FAAH2: variants seen among roughly 807,000 people sequenced by gnomAD.
FAAH2 encodes fatty-acid amide hydrolase 2.
Under a neutral mutation model 36.9 loss-of-function variants are expected in FAAH2, and 60 were observed. That is an observed-to-expected ratio of 1.63 (90% CI 1.32 to 2.02). The LOEUF is 2.02. FAAH2 is among the 30% of genes most tolerant of loss of function. The pLI is 0.00. For synonymous variants in FAAH2, 214 were observed against 143.8 expected (o/e 1.49, Z -3.49); for missense variants, 689 against 397.5 (o/e 1.73, Z -6.23).
chrX:57,415,586 G>C (rs764157329), intron 7 of FAAH2, among the ~76,000 whole-genome samples: 1 of 112,014 alleles, frequency 8.9e-6, no homozygotes, highest in East Asian at 2.8e-4. Context: ...TGTGGTCTGA[G>C]AGACTCTTTG....
At chrX:57,162,500 A>G in the FAAH2 span, among the ~76,000 whole-genome samples, 1 of 111,538 alleles carries the variant, frequency 9.0e-6, no homozygotes, top group Non-Finnish European at 1.9e-5. Context: ...AGGTACACCA[A>G]TCAGACGTAG....
the FAAH2 span, among the ~76,000 whole-genome samples, chrX:57,257,509 C>G: frequency 1.8e-5 from 2 of 109,119 alleles, no homozygotes; most frequent in Admixed American, 2.0e-4. Flanking sequence ...CACATGGACA[C>G]AGGGAGAGGA....
the FAAH2 span, among the ~76,000 whole-genome samples, chrX:57,170,697 A>ATGTGTG: frequency 1.2e-4 from 12 of 100,067 alleles, no homozygotes; most frequent in African/African-American, 4.5e-4. Flanking sequence ...TATTTACTTT[A>ATGTGTG]TGTGTGTGTG....
chrX:57,196,137 A>G, the FAAH2 span, among the ~76,000 whole-genome samples: 1 of 111,894 alleles, frequency 8.9e-6, no homozygotes, highest in African/African-American at 3.2e-5. Context: ...TTCTGTGAAG[A>G]ATGATGTTGG....
chrX:57,275,801 C>T, the FAAH2 span, among the ~76,000 whole-genome samples: 4 of 111,415 alleles, frequency 3.6e-5, no homozygotes, highest in Admixed American at 3.8e-4. Context: ...GACTTTAAAC[C>T]AACAAAGATC....
At chrX:57,443,592 C>T (rs1363938426) in intron 8 of FAAH2, among the ~76,000 whole-genome samples, 7 of 111,710 alleles carry the variant, frequency 6.3e-5, no homozygotes, top group African/African-American at 2.0e-4. Context: ...TATTGATTGT[C>T]GGACGCCTTC....
chrX:57,226,984 C>G, the FAAH2 span, among the ~76,000 whole-genome samples: 1 of 110,317 alleles, frequency 9.1e-6, no homozygotes, highest in Admixed American at 9.6e-5. Flanking sequence ...AAAAGTGTGT[C>G]CAATGTTTCC....
At chrX:57,445,262 T>C (rs774567795) in intron 8 of FAAH2, among the ~76,000 whole-genome samples, 1 of 111,338 alleles carries the variant, frequency 9.0e-6, no homozygotes, top group Non-Finnish European at 1.9e-5. Context: ...AGGCACTGCT[T>C]TGGTGGTGTT....
intron 4 of FAAH2, among the ~76,000 whole-genome samples, chrX:57,336,419 T>C (rs1281235542): frequency 8.9e-6 from 1 of 111,736 alleles, no homozygotes; most frequent in Non-Finnish European, 1.9e-5. Flanking sequence ...ACAGAAAGCC[T>C]GTTTGGTGGT....
the FAAH2 span, among the ~76,000 whole-genome samples, chrX:57,207,942 T>C: frequency 8.9e-6 from 1 of 112,863 alleles, no homozygotes; most frequent in Non-Finnish European, 1.9e-5. Flanking sequence ...GAATGGGGTC[T>C]GGGACGGGCT....
At chrX:57,386,247 T>C (rs1275731174) in intron 7 of FAAH2, among the ~76,000 whole-genome samples, 1 of 111,432 alleles carries the variant, frequency 9.0e-6, no homozygotes, top group Non-Finnish European at 1.9e-5. Context: ...TAACCTATTA[T>C]AAGAGAAATA....
the FAAH2 span, among the ~76,000 whole-genome samples, chrX:57,149,983 G>T: frequency 1.1e-3 from 118 of 111,760 alleles, no homozygotes; most frequent in Non-Finnish European, 2.1e-3. Context: ...TGGTTTCAAA[G>T]AACATCTTTA....
chrX:57,256,955 C>A, the FAAH2 span, among the ~76,000 whole-genome samples: 1 of 112,450 alleles, frequency 8.9e-6, no homozygotes, highest in Admixed American at 9.4e-5. Flanking sequence ...CTCATCATCA[C>A]TGGTCATTAG....
the FAAH2 span, among the ~76,000 whole-genome samples, chrX:57,162,273 T>C: frequency 9.0e-6 from 1 of 111,704 alleles, no homozygotes; most frequent in African/African-American, 3.3e-5. Flanking sequence ...ACCCAACCTT[T>C]CTCTCTGGCT....
At chrX:57,244,438 T>A in the FAAH2 span, among the ~76,000 whole-genome samples, 4 of 110,959 alleles carry the variant, frequency 3.6e-5, no homozygotes, top group Admixed American at 2.9e-4. Context: ...CCAAGGCACA[T>A]AATCGTCAGA....
chrX:57,356,221 T>C (rs754852732), intron 5 of FAAH2, among the ~76,000 whole-genome samples: 14 of 111,322 alleles, frequency 1.3e-4, no homozygotes, highest in Non-Finnish European at 2.3e-4. Flanking sequence ...TATTGGTCTA[T>C]AGTTTTCTTG....
At chrX:57,225,319 A>G in the FAAH2 span, among the ~76,000 whole-genome samples, 1 of 111,206 alleles carries the variant, frequency 9.0e-6, no homozygotes, top group Non-Finnish European at 1.9e-5. Context: ...GCTGTATCCG[A>G]AAGTTTTTGA....
At chrX:57,463,016 G>C (rs75560602) in intron 10 of FAAH2, among the ~76,000 whole-genome samples, 2 of 111,612 alleles carry the variant, frequency 1.8e-5, no homozygotes, top group Admixed American at 9.6e-5. Flanking sequence ...ACCAATAATA[G>C]ACAAGCAGGG....
chrX:57,139,032 T>G, the FAAH2 span, among the ~76,000 whole-genome samples: 1 of 112,280 alleles, frequency 8.9e-6, no homozygotes, highest in Non-Finnish European at 1.9e-5. Flanking sequence ...TTATGATTGT[T>G]TCCTTTGCTG....
Sources: gnomAD v4.1 joint callset for allele counts (sites outside exome capture counted in the v4.1 genomes callset) on GRCh38, gnomAD v4.1.1 for gene constraint, MANE v1.5 for transcripts, NCBI Gene and HGNC (gene_info 2026-07-23, HGNC 2026-07-21) for gene names.